The following PHKA2 variants were observed in gnomAD, a reference collection of about 807,000 sequenced individuals.
PHKA2 encodes phosphorylase kinase regulatory subunit alpha 2, also known as phosphorylase b kinase regulatory subunit alpha, liver isoform.
PHKA2 carries 31 observed loss-of-function variants against 102.0 expected under a neutral mutation model. The ratio of observed to expected loss-of-function variants is 0.30; its 90% CI spans 0.23 to 0.41. The LOEUF is 0.41. PHKA2 is among the 10% of genes least tolerant of loss of function. PHKA2 has a pLI of 1.00. For synonymous variants in PHKA2, 455 were observed against 416.2 expected (o/e 1.09, Z -1.13); for missense variants, 858 against 1,023.1 (o/e 0.84, Z 2.20).
At chrX:18,962,739 T>C (rs1373457915) in intron 1 of PHKA2, among the ~76,000 whole-genome samples, 4 of 112,532 alleles carry the variant, frequency 3.6e-5, no homozygotes, top group Non-Finnish European at 7.5e-5. Flanking sequence ...GAGTACCACG[T>C]ACCAGAAAGC....
intron 30 of PHKA2, 138 bp downstream of exon 30, chrX:18,897,025 C>T (rs1333103619): frequency 2.8e-6 from 2 of 719,698 alleles, no homozygotes; most frequent in South Asian, 2.2e-5. Flanking sequence ...GAGAATGCCT[C>T]GGCCCCAGGT....
At position 18,907,914 on chromosome X, in the gene PHKA2, C is replaced by T. The variant is rs1234436850; in HGVS notation, c.2503G>A (p.Glu835Lys). Residue 835 changes from glutamate (E) to lysine (K), a missense_variant, in exon 22 of 33, where the codon GAG (glutamate) becomes AAG (lysine). Physicochemically the swap from Glu to Lys is moderately conservative, Grantham distance 56. Coordinates refer to ENST00000379942, the MANE Select transcript of PHKA2 (RefSeq NM_000292.3). ...YISGLLRKKV[E>K]VLAEACTDLL... is the part of the protein sequence containing the mutation. ...GTCGCACTGACCTCAGCCAGGACCTCCACTTTCTTCCTGAGAAGGCCTGAG... is the reference window on the plus strand; with the variant it reads ...GTCGCACTGACCTCAGCCAGGACCTTCACTTTCTTCCTGAGAAGGCCTGAG... 9 of 1,211,380 alleles carry T rather than the reference C, an allele frequency of 7.4e-6. No homozygotes were observed. The highest frequency in any genetic ancestry group is 1.0e-5 in the Non-Finnish European group (9 of 895,310).
chrX:18,909,423 G>T (rs1385285185), intron 20 of PHKA2, among the ~76,000 whole-genome samples: 1 of 111,996 alleles, frequency 8.9e-6, no homozygotes, highest in Admixed American at 9.5e-5. Context: ...TTCAGAAAGG[G>T]GTAGCTGACC....
chrX:18,979,341 A>G (rs904795432), intron 1 of PHKA2, among the ~76,000 whole-genome samples: 6 of 112,007 alleles, frequency 5.4e-5, no homozygotes, highest in Admixed American at 9.5e-5. Flanking sequence ...GCCATTAAAT[A>G]ACAGTATTTA....
In PHKA2 at chrX:18,939,822, C is replaced by T. The variant is rs186415343; in HGVS notation, c.918+173G>A. ...TGGTTTTAAATGACCAGCTCACCGTCCCTACTAAAGATACTATGCTATTGC... is the reference window on the plus strand; with the variant it reads ...TGGTTTTAAATGACCAGCTCACCGTTCCTACTAAAGATACTATGCTATTGC... On this transcript the variant is annotated intron_variant, in intron 9 of 32. Coordinates refer to ENST00000379942, the MANE Select transcript of PHKA2 (RefSeq NM_000292.3). Among the ~76,000 whole-genome samples the T allele has an allele frequency of 2.2e-3, 245 of 112,237 alleles. 2 individuals carry two copies. The highest frequency in any genetic ancestry group is 3.6e-3 in the Non-Finnish European group (192 of 53,262).
intron 28 of PHKA2, among the ~76,000 whole-genome samples, chrX:18,900,018 CGGTGCCACCGAGT>C (rs2047651094): frequency 9.0e-6 from 1 of 111,170 alleles, no homozygotes; most frequent in Admixed American, 9.6e-5. Flanking sequence ...GACAGAGGGA[CGGTGCCACCGAGT>C]GGCTGGCAAG....
At chrX:18,920,693 C>A (rs1194796117) in intron 17 of PHKA2, among the ~76,000 whole-genome samples, 1 of 111,521 alleles carries the variant, frequency 9.0e-6, no homozygotes, top group Non-Finnish European at 1.9e-5. Context: ...AGAAGGAATT[C>A]AATGGGGAAG....
At chrX:18,951,504 G>A (rs1475765460) in intron 3 of PHKA2, among the ~76,000 whole-genome samples, 1 of 111,224 alleles carries the variant, frequency 9.0e-6, no homozygotes, top group Admixed American at 9.5e-5. Context: ...CAGGAGTGAC[G>A]GGTCATGACA....
intron 13 of PHKA2, among the ~76,000 whole-genome samples, chrX:18,927,863 C>T (rs1369305267): frequency 9.0e-6 from 1 of 111,517 alleles, no homozygotes. Flanking sequence ...CCCCAGCAGC[C>T]ACTCTCTGTA....
In PHKA2 at chrX:18,978,667, C is replaced by T. The variant is rs1443664243; in HGVS notation, c.78+5188G>A. Among the ~76,000 whole-genome samples the T allele has an allele frequency of 3.6e-5, 4 of 110,703 alleles. No homozygotes were observed. The East Asian group carries it at 8.6e-4, about 24-fold the overall frequency. On this transcript the variant is annotated intron_variant, in intron 1 of 32. Transcript: ENST00000379942. The stretch of plus-strand genomic sequence containing the variant: ...GGCAGAGGTTGTAGTGAGCCGAGAT[C>T]GCACCACTGCACTCCAGCCTGGGTG...
chrX:18,906,880 T>C (rs192546663), intron 23 of PHKA2, 66 bp from the exon 24 acceptor site: 20 of 1,036,323 alleles, frequency 1.9e-5, no homozygotes, highest in Non-Finnish European at 2.7e-5. Context: ...TCGCCCTCCA[T>C]GGAACACCCT....
intron 1 of PHKA2, among the ~76,000 whole-genome samples, chrX:18,981,720 T>A (rs2049173180): frequency 9.0e-6 from 1 of 111,458 alleles, no homozygotes; most frequent in Non-Finnish European, 1.9e-5. Flanking sequence ...AGAGTACTCC[T>A]GCAAGGACCA....
intron 1 of PHKA2, among the ~76,000 whole-genome samples, chrX:18,968,840 G>A (rs1048333685): frequency 8.9e-6 from 1 of 112,358 alleles, no homozygotes; most frequent in Non-Finnish European, 1.9e-5. Flanking sequence ...CCAAAATGCC[G>A]GGCAATGGCT....
chrX:18,928,224 C>T (rs2048247111), intron 13 of PHKA2, among the ~76,000 whole-genome samples: 2 of 111,188 alleles, frequency 1.8e-5, no homozygotes, highest in African/African-American at 6.6e-5. Context: ...AACTTCTAAG[C>T]CTCGTGTGTA....
At chrX:18,940,941 T>TGGAGA (rs777032671) in intron 8 of PHKA2, among the ~76,000 whole-genome samples, 4 of 112,191 alleles carry the variant, frequency 3.6e-5, no homozygotes, top group Non-Finnish European at 7.5e-5. Flanking sequence ...GGAATATGAT[T>TGGAGA]GGAGACATAG....
intron 26 of PHKA2, among the ~76,000 whole-genome samples, chrX:18,902,319 T>C (rs1222046305): frequency 1.9e-5 from 2 of 107,519 alleles, no homozygotes; most frequent in Non-Finnish European, 3.9e-5. Context: ...GTATGTTTTG[T>C]GAAGACAGGG....
intron 11 of PHKA2, among the ~76,000 whole-genome samples, chrX:18,935,160 C>T (rs1350778599): frequency 8.9e-6 from 1 of 112,386 alleles, no homozygotes; most frequent in East Asian, 2.8e-4. Flanking sequence ...ATCCAAGGGA[C>T]AGCCAGGAAC....
chrX:18,911,773 C>A (rs1243724135), intron 19 of PHKA2, among the ~76,000 whole-genome samples: 1 of 112,661 alleles, frequency 8.9e-6, no homozygotes, highest in African/African-American at 3.2e-5. Flanking sequence ...GCTTTGAGAA[C>A]TGGATTTCGC....
intron 1 of PHKA2, among the ~76,000 whole-genome samples, chrX:18,968,414 C>A (rs2148025135): frequency 9.3e-6 from 1 of 107,505 alleles, no homozygotes; most frequent in South Asian, 3.8e-4. Flanking sequence ...TCCAGCTTCA[C>A]ACAGATATGC....
Sources: gnomAD v4.1 joint callset for allele counts (sites outside exome capture counted in the v4.1 genomes callset) on GRCh38, gnomAD v4.1.1 for gene constraint, MANE v1.5 for transcripts, NCBI Gene and HGNC (gene_info 2026-07-23, HGNC 2026-07-21) for gene names.